Variants in RTN4RL1 observed in about 807,000 individuals in gnomAD.
RTN4RL1 encodes reticulon-4 receptor-like 1.
RTN4RL1 carries 7 observed loss-of-function variants against 25.6 expected under a neutral mutation model. The observed-to-expected ratio is 0.27, with a 90% CI of 0.16 to 0.51. The LOEUF (loss-of-function observed/expected upper bound fraction) is 0.51. RTN4RL1 is among the 20% of genes least tolerant of loss of function. RTN4RL1 has a pLI of 0.97. For synonymous variants in RTN4RL1, 297 were observed against 288.2 expected (o/e 1.03, Z -0.31); for missense variants, 500 against 615.6 (o/e 0.81, Z 1.99).
rs116777822 is a variant in RTN4RL1, at chr17:1,941,284, A to G, written c.14-3476T>C. ...AGGAAACAGGGGACACCAGGCAAGGACCCCAGTTTAGGTGAAAAAGCCAAA... is the reference window on the plus strand; with the variant it reads ...AGGAAACAGGGGACACCAGGCAAGGGCCCCAGTTTAGGTGAAAAAGCCAAA... On this transcript the variant is annotated intron_variant, in intron 1 of 1. Transcript: ENST00000331238. Among the ~76,000 whole-genome samples the G allele has an allele frequency of 2.1e-3, 325 of 152,220 alleles. 2 individuals carry two copies. The highest frequency in any genetic ancestry group is 7.1e-3 in the African/African-American group (296 of 41,536).
At chr17:1,971,351 G>A (rs1177065863) in intron 1 of RTN4RL1, among the ~76,000 whole-genome samples, 2 of 152,298 alleles carry the variant, frequency 1.3e-5, no homozygotes, top group Admixed American at 6.5e-5. Context: ...AGAACTGTAG[G>A]TCAATTAAAC....
chr17:1,952,579 G>A (rs560814417), intron 1 of RTN4RL1, among the ~76,000 whole-genome samples: 3 of 150,264 alleles, frequency 2.0e-5, no homozygotes, highest in East Asian at 4.0e-4. Flanking sequence ...TCCTGACCTC[G>A]TGATCCACCC....
intron 1 of RTN4RL1, among the ~76,000 whole-genome samples, chr17:1,980,645 G>A (rs1251643329): frequency 1.3e-5 from 2 of 151,966 alleles, no homozygotes; most frequent in East Asian, 1.9e-4. Flanking sequence ...TCATGGGCCC[G>A]CTCAGCAACC....
intron 1 of RTN4RL1, among the ~76,000 whole-genome samples, chr17:1,951,722 G>A (rs1214430286): frequency 6.6e-6 from 1 of 152,086 alleles, no homozygotes; most frequent in African/African-American, 2.4e-5. Context: ...CAAAGTGCTG[G>A]GATTACAGGC....
intron 1 of RTN4RL1, among the ~76,000 whole-genome samples, chr17:2,008,252 A>G (rs1053377148): frequency 6.6e-6 from 1 of 151,472 alleles, no homozygotes; most frequent in Non-Finnish European, 1.5e-5. Context: ...CTGGGCAACA[A>G]GGGCTAGACT....
rs955211896 is a variant in RTN4RL1, at chr17:2,025,282, A to C, written c.-417T>G. 1 of 158,240 alleles carries C rather than the reference A, an allele frequency of 6.3e-6. No homozygotes were observed. Among genetic ancestry groups the C allele is most frequent in the Non-Finnish European group, 1.4e-5 (1 of 72,618 alleles). 9.8% of individuals were successfully genotyped at this position (158,240 alleles called of 1,614,324 possible). On this transcript the variant is annotated 5_prime_UTR_variant, in exon 1 of 2. Coordinates refer to ENST00000331238, the MANE Select transcript of RTN4RL1 (RefSeq NM_178568.4). The surrounding 1 kb of genome is among the most constrained non-coding windows in gnomAD (Gnocchi z 4.8). The stretch of plus-strand genomic sequence containing the variant: ...CTGCAGCAAAAGGGCGCTCGCACGC[A>C]CCGCCGAGCTCCGGGGAAAGCGCCC...
At chr17:1,964,815 G>A (rs1161138365) in intron 1 of RTN4RL1, among the ~76,000 whole-genome samples, 1 of 138,972 alleles carries the variant, frequency 7.2e-6, no homozygotes. Flanking sequence ...TTGAGATGGA[G>A]TCTCGCTGTG....
chr17:1,955,120 G>A (rs1386108465), intron 1 of RTN4RL1, among the ~76,000 whole-genome samples: 3 of 152,076 alleles, frequency 2.0e-5, no homozygotes, highest in Non-Finnish European at 2.9e-5. Context: ...CACCAGCCAC[G>A]AGCCCCTGCC....
At chr17:1,952,338 T>G (rs1236996163) in intron 1 of RTN4RL1, among the ~76,000 whole-genome samples, 10 of 147,538 alleles carry the variant, frequency 6.8e-5, no homozygotes, top group East Asian at 4.0e-4. Flanking sequence ...GTTGGTTTTT[T>G]TTTTTTTTTT....
intron 1 of RTN4RL1, among the ~76,000 whole-genome samples, chr17:1,966,531 T>C (rs1297989139): frequency 6.6e-6 from 1 of 152,116 alleles, no homozygotes; most frequent in Non-Finnish European, 1.5e-5. Context: ...ACAGGAGTGC[T>C]TCCCAGCGCT....
intron 1 of RTN4RL1, among the ~76,000 whole-genome samples, chr17:1,995,426 CAAA>C (rs1036512075): frequency 1.6e-5 from 1 of 63,270 alleles, no homozygotes. Flanking sequence ...AACTCTGTCT[CAAA>C]AAAAAAAAAA....
chr17:1,998,080 C>T lies in RTN4RL1; in HGVS notation c.13+26773G>A, dbSNP rs1229377322. Reference sequence around the variant, plus strand: ...GGCCGCGATCGATCCCGGCCTCTCCCGGCCTCATTACCGAGGGAGAGCTGC... The same window carrying T: ...GGCCGCGATCGATCCCGGCCTCTCCTGGCCTCATTACCGAGGGAGAGCTGC... On this transcript the variant is annotated intron_variant, in intron 1 of 1. Coordinates refer to ENST00000331238, the MANE Select transcript of RTN4RL1 (RefSeq NM_178568.4). This position sits in a 1 kb window ranked among gnomAD's most constrained non-coding sequence, Gnocchi z 4.9. Among the ~76,000 whole-genome samples, 1 of 152,202 alleles carries T rather than the reference C, an allele frequency of 6.6e-6. No homozygotes were observed. The highest frequency in any genetic ancestry group is 6.5e-5 in the Admixed American group (1 of 15,290).
At position 1,941,606 on chromosome 17, in the gene RTN4RL1, T is replaced by TG. The variant is rs375449579; in HGVS notation, c.14-3799dup. Among the ~76,000 whole-genome samples the TG allele has an allele frequency of 4.0e-4, 60 of 151,576 alleles. 1 individual carries two copies. Among genetic ancestry groups the TG allele is most frequent in the Middle Eastern group, 3.4e-3 (1 of 292 alleles). Reference sequence around the variant, plus strand: ...GGAGGGCCCCTCGGGGGCCAGGCGGTGGGGGGGGATCCGAGCCCGGGGGAG... The same window carrying TG: ...GGAGGGCCCCTCGGGGGCCAGGCGGTGGGGGGGGGATCCGAGCCCGGGGGAG... On this transcript the variant is annotated intron_variant, in intron 1 of 1. Coordinates refer to ENST00000331238, the MANE Select transcript of RTN4RL1 (RefSeq NM_178568.4).
chr17:1,964,237 A>G (rs2066778866), intron 1 of RTN4RL1, among the ~76,000 whole-genome samples: 1 of 152,228 alleles, frequency 6.6e-6, no homozygotes, highest in Non-Finnish European at 1.5e-5. Context: ...GAATAATTTT[A>G]TATTGATTGC....
At chr17:1,975,156 C>T (rs891401621) in intron 1 of RTN4RL1, among the ~76,000 whole-genome samples, 1 of 152,180 alleles carries the variant, frequency 6.6e-6, no homozygotes, top group Admixed American at 6.5e-5. Context: ...AGACATGGTA[C>T]AGGGAGCCGA....
intron 1 of RTN4RL1, among the ~76,000 whole-genome samples, chr17:1,956,959 C>T (rs1210913513): frequency 2.0e-5 from 3 of 152,050 alleles, no homozygotes; most frequent in African/African-American, 7.2e-5. Flanking sequence ...AGGCTGGTCT[C>T]GAACTCCTGA....
chr17:1,955,477 G>A (rs1399549433), intron 1 of RTN4RL1, among the ~76,000 whole-genome samples: 1 of 151,710 alleles, frequency 6.6e-6, no homozygotes, highest in Non-Finnish European at 1.5e-5. Flanking sequence ...GATCACTTGA[G>A]CCCGGGAGGT....
intron 1 of RTN4RL1, among the ~76,000 whole-genome samples, chr17:2,004,367 CAAAAAAAAAAAA>C (rs58690992): frequency 2.5e-4 from 9 of 36,566 alleles, no homozygotes; most frequent in Admixed American, 1.8e-3. Context: ...GACTCTGTCT[CAAAAAAAAAAAA>C]AAAAAAAAAA....
intron 1 of RTN4RL1, among the ~76,000 whole-genome samples, chr17:1,976,311 T>C (rs929774260): frequency 5.9e-5 from 9 of 152,224 alleles, no homozygotes; most frequent in Non-Finnish European, 1.5e-5. Flanking sequence ...CAGGCTCCTC[T>C]CTGAAGAGGT....
Sources: allele counts gnomAD v4.1 joint callset (sites outside exome capture counted in the v4.1 genomes callset), GRCh38; gene constraint gnomAD v4.1.1; non-coding constraint Gnocchi (gnomAD v3.1); transcripts MANE v1.5; gene names NCBI Gene and HGNC (gene_info 2026-07-23, HGNC 2026-07-21).